Variants in LRIF1 observed in about 807,000 individuals in gnomAD.
LRIF1 encodes ligand dependent nuclear receptor interacting factor 1.
In LRIF1, 32 loss-of-function variants were observed where a neutral mutation model predicts 52.7. That is an observed-to-expected ratio of 0.61 (90% CI 0.46 to 0.82). The LOEUF (loss-of-function observed/expected upper bound fraction) is 0.82, where lower values mean the gene tolerates loss of function less well. Among genes scored for constraint, LRIF1 ranks in the 40% least tolerant of loss-of-function variants. The pLI, the probability that LRIF1 is intolerant of heterozygous loss-of-function variation, is 0.00. For synonymous variants in LRIF1, 323 were observed against 317.4 expected (o/e 1.02, Z -0.19); for missense variants, 887 against 892.0 (o/e 0.99, Z 0.07).
the LRIF1 span, among the ~76,000 whole-genome samples, chr1:110,897,149 A>G: frequency 6.6e-6 from 1 of 152,200 alleles, no homozygotes; most frequent in Non-Finnish European, 1.5e-5. Flanking sequence ...CCTTAGGGAA[A>G]TGAATCATAG....
At chr1:110,925,274 A>G in the LRIF1 span, among the ~76,000 whole-genome samples, 1 of 152,216 alleles carries the variant, frequency 6.6e-6, no homozygotes, top group Admixed American at 6.5e-5. Context: ...CCTTCCTCAA[A>G]GAGGGAATTC....
chr1:110,961,838 A>C (rs1348878447), intron 1 of LRIF1, among the ~76,000 whole-genome samples: 1 of 152,138 alleles, frequency 6.6e-6, no homozygotes, highest in Non-Finnish European at 1.5e-5. Context: ...CAAATACGCA[A>C]CCATTAACCA....
chr1:110,912,463 C>T, the LRIF1 span, among the ~76,000 whole-genome samples: 6 of 152,180 alleles, frequency 3.9e-5, no homozygotes, highest in African/African-American at 1.2e-4. Context: ...CCACTTGCCT[C>T]AGCCTCCTGA....
the LRIF1 span, among the ~76,000 whole-genome samples, chr1:110,915,490 A>AAAATAAATAAATAAATAAAT: frequency 9.6e-4 from 136 of 141,936 alleles, no homozygotes; most frequent in African/African-American, 3.3e-3. Context: ...TCCGTCTCAA[A>AAAATAAATAAATAAATAAAT]AAATAAATAA....
At chr1:110,948,543 G>A (rs1207439974) in intron 3 of LRIF1, 144 bp from the exon 4 acceptor site, 3 of 1,269,230 alleles carry the variant, frequency 2.4e-6, no homozygotes, top group East Asian at 2.5e-5. Context: ...TACAGCAAGA[G>A]GGAAATATTT....
downstream of LRIF1, among the ~76,000 whole-genome samples, chr1:110,945,665 G>A (rs1658187392): frequency 6.6e-6 from 1 of 152,184 alleles, no homozygotes; most frequent in Non-Finnish European, 1.5e-5. Flanking sequence ...TACCTCAGGT[G>A]ATCTGCCCAC....
At chr1:110,913,152 C>T in the LRIF1 span, among the ~76,000 whole-genome samples, 1 of 152,266 alleles carries the variant, frequency 6.6e-6, no homozygotes, top group East Asian at 1.9e-4. Flanking sequence ...CTTTCTTTCA[C>T]CATATACAAT....
chr1:110,953,265 A>G (rs572686713), intron 1 of LRIF1, among the ~76,000 whole-genome samples: 1 of 152,164 alleles, frequency 6.6e-6, no homozygotes, highest in African/African-American at 2.4e-5. Flanking sequence ...TTCTTCCTTC[A>G]ATAACTCACA....
chr1:110,931,880 T>C, the LRIF1 span, among the ~76,000 whole-genome samples: 8,737 of 152,284 alleles, frequency 0.057, 288 homozygotes, highest in East Asian at 0.13. Context: ...ATATTCTGGA[T>C]ATTAGCCCTT....
downstream of LRIF1, chr1:110,942,412 G>A (rs974071565): frequency 5.9e-5 from 9 of 151,924 alleles, no homozygotes; most frequent in African/African-American, 7.2e-5. Context: ...TGTATGTTTC[G>A]TTTCTCATTT....
the LRIF1 span, among the ~76,000 whole-genome samples, chr1:110,885,789 G>T: frequency 3.3e-5 from 5 of 151,280 alleles, no homozygotes; most frequent in African/African-American, 4.9e-5. Context: ...TCTTGAACCT[G>T]AGAGGCGGAG....
chr1:110,917,992 A>T, the LRIF1 span, among the ~76,000 whole-genome samples: 2 of 152,196 alleles, frequency 1.3e-5, no homozygotes, highest in Admixed American at 1.3e-4. Flanking sequence ...TCATTGATAG[A>T]TTAAATATGT....
chr1:110,894,240 C>T, the LRIF1 span: 1 of 1,161,872 alleles, frequency 8.6e-7, no homozygotes, highest in South Asian at 1.2e-5. Flanking sequence ...TGTACTCGTG[C>T]AAATGCCCCT....
chr1:110,952,832 G>C lies in LRIF1; in HGVS notation c.69-17C>G. On this transcript the variant is annotated splice_polypyrimidine_tract_variant and intron_variant, in intron 1 of 3. Transcript: ENST00000369763. ...CCTGAAACACTTAAAAGAACATTGA[G>C]TAAATAAATACAACATACTACATGG... 1 of 1,505,224 alleles carries C rather than the reference G, an allele frequency of 6.6e-7. No homozygotes were observed. The highest frequency in any genetic ancestry group is 9.0e-7 in the Non-Finnish European group (1 of 1,112,416). 93.2% of individuals were successfully genotyped at this position (1,505,224 alleles called of 1,614,324 possible). A position where few individuals can be genotyped will look rare whatever the true frequency, so the allele number is the denominator to read the frequency against.
chr1:110,940,390 A>G, the LRIF1 span: 1 of 152,200 alleles, frequency 6.6e-6, no homozygotes, highest in East Asian at 1.9e-4. Context: ...GGGAATGTAC[A>G]TTAGCACAAC....
At chr1:110,923,042 C>T in the LRIF1 span, among the ~76,000 whole-genome samples, 2 of 152,212 alleles carry the variant, frequency 1.3e-5, no homozygotes, top group Non-Finnish European at 2.9e-5. Context: ...GGGTGGCTCA[C>T]ACCTGTAATA....
chr1:110,878,151 C>T, the LRIF1 span, among the ~76,000 whole-genome samples: 16 of 152,042 alleles, frequency 1.1e-4, no homozygotes, highest in African/African-American at 3.6e-4. Flanking sequence ...GTTGTCAGGC[C>T]GATTTGAGGA....
the LRIF1 span, among the ~76,000 whole-genome samples, chr1:110,920,299 C>T: frequency 6.6e-6 from 1 of 152,158 alleles, no homozygotes; most frequent in Non-Finnish European, 1.5e-5. Context: ...CTAAGACATA[C>T]TTCAGTAGAT....
the LRIF1 span, among the ~76,000 whole-genome samples, chr1:110,930,559 C>T: frequency 1.3e-5 from 2 of 152,072 alleles, no homozygotes; most frequent in South Asian, 4.2e-4. Context: ...TATAAGGACT[C>T]TAATATTATA....
Sources: gnomAD v4.1 joint callset for allele counts (sites outside exome capture counted in the v4.1 genomes callset) on GRCh38, gnomAD v4.1.1 for gene constraint, MANE v1.5 for transcripts, NCBI Gene and HGNC (gene_info 2026-07-23, HGNC 2026-07-21) for gene names.